The following GRIN2D variants were observed in gnomAD, a reference collection of about 807,000 sequenced individuals.
GRIN2D encodes glutamate receptor ionotropic, NMDA 2D.
In GRIN2D, 37 loss-of-function variants were observed where a neutral mutation model predicts 103.2. That is an observed-to-expected ratio of 0.36 (90% CI 0.28 to 0.47). GRIN2D has a LOEUF of 0.47. GRIN2D is among the 20% of genes least tolerant of loss of function. GRIN2D has a pLI of 1.00. For synonymous variants in GRIN2D, 845 were observed against 885.6 expected (o/e 0.95, Z 0.81); for missense variants, 1,557 against 1,910.6 (o/e 0.81, Z 3.45).
Position 48,414,681 on chromosome 19 carries a change from GA to G in GRIN2D, c.1412+98del, listed in dbSNP as rs1970919829. 1.5e-6 allele frequency: 2 copies of G among 1,291,116 alleles called. No individual in the cohort carries two copies. The highest frequency in any genetic ancestry group is 2.2e-6 in the Non-Finnish European group (2 of 928,700). 80.0% of individuals were successfully genotyped at this position (1,291,116 alleles called of 1,614,324 possible). A position where few individuals can be genotyped will look rare whatever the true frequency, so the allele number is the denominator to read the frequency against. ...AGCCCCCTCCTCCCTTGGGACCCAG[GA>G]CCCACAAAGCCCTCCAGCTTGGTGA... On this transcript the variant is annotated intron_variant, in intron 6 of 13. Coordinates refer to ENST00000263269, the MANE Select transcript of GRIN2D (RefSeq NM_000836.4). This position sits in a 1 kb window ranked among gnomAD's most constrained non-coding sequence, Gnocchi z 4.6.
chr19:48,411,131 T>C (rs1600975880), intron 4 of GRIN2D, among the ~76,000 whole-genome samples: 1 of 151,814 alleles, frequency 6.6e-6, no homozygotes, highest in Non-Finnish European at 1.5e-5. Context: ...TCATCTGAGC[T>C]TGGGACATGG....
At chr19:48,418,492 G>C (rs1444006025) in intron 8 of GRIN2D, among the ~76,000 whole-genome samples, 1 of 152,118 alleles carries the variant, frequency 6.6e-6, no homozygotes, top group African/African-American at 2.4e-5. Flanking sequence ...TGTGCTGTGT[G>C]GGGGATAGGC....
chr19:48,435,490 A>G (rs1170257676), intron 11 of GRIN2D, among the ~76,000 whole-genome samples: 2 of 151,942 alleles, frequency 1.3e-5, no homozygotes, highest in African/African-American at 4.8e-5. Flanking sequence ...GGGTTTCGCC[A>G]TGTTGGCCAG....
In GRIN2D at chr19:48,398,869, C is replaced by CGGGGCGGGGCGGGGCCACAGGA; in HGVS notation, c.465+22_465+43dup. The CGGGGCGGGGCGGGGCCACAGGA allele has an allele frequency of 1.0e-6, 1 of 989,314 alleles. No homozygotes were observed. Among genetic ancestry groups the CGGGGCGGGGCGGGGCCACAGGA allele is most frequent in the East Asian group, 1.2e-4 (1 of 8,436 alleles). The allele number at this position is 989,314 out of a possible 1,614,324, so 61.3% of individuals were successfully genotyped here. A position where few individuals can be genotyped will look rare whatever the true frequency, so the allele number is the denominator to read the frequency against. On this transcript the variant is annotated intron_variant, in intron 3 of 13. Coordinates refer to ENST00000263269, the MANE Select transcript of GRIN2D (RefSeq NM_000836.4). ...TGCTCACGCCCAAGGTGCGCGCGACCGGGGCGGGGCGGGGCCACAGGAGGG... is the reference window on the plus strand; with the variant it reads ...TGCTCACGCCCAAGGTGCGCGCGACCGGGGCGGGGCGGGGCCACAGGAGGGGCGGGGCGGGGCCACAGGAGGG...
At position 48,394,576 on chromosome 19, in the gene GRIN2D, G is replaced by A. The variant is rs1007788691; in HGVS notation, c.-305-82G>A. On this transcript the variant is annotated intron_variant, in intron 1 of 13. Transcript: ENST00000263269. This position sits in a 1 kb window ranked among gnomAD's most constrained non-coding sequence, Gnocchi z 5.1. The stretch of plus-strand genomic sequence containing the variant: ...GCGGCAGAGGGGGGCACCCCGGGTG[G>A]GCGGAGGGGGGATCCCCACGGGGTC... Among the ~76,000 whole-genome samples the A allele has an allele frequency of 2.0e-5, 3 of 151,372 alleles. No individual in the cohort carries two copies. Among genetic ancestry groups the A allele is most frequent in the African/African-American group, 7.3e-5 (3 of 41,194 alleles).
At position 48,412,425 on chromosome 19, in the gene GRIN2D, G is replaced by GAA. The variant is rs1002224728; in HGVS notation, c.1086-1564_1086-1563dup. ...AAGAAAGAAAGAAAGAGAAAGAAAA[G>GAA]AAAGAAAGAAAGAAAGAAAGAAAGA... is the stretch of plus-strand genomic sequence containing the variant. On this transcript the variant is annotated intron_variant, in intron 4 of 13. Coordinates refer to ENST00000263269, the MANE Select transcript of GRIN2D (RefSeq NM_000836.4). Among the ~76,000 whole-genome samples the GAA allele has an allele frequency of 4.2e-3, 200 of 48,162 alleles. 3 individuals carry two copies. The highest frequency in any genetic ancestry group is 1.6e-3 in the African/African-American group (15 of 9,258). The allele number at this position is 48,162 out of a possible 152,430, so 31.6% of individuals were successfully genotyped here.
chr19:48,433,140 G>A (rs551374945), intron 11 of GRIN2D, among the ~76,000 whole-genome samples: 7 of 148,728 alleles, frequency 4.7e-5, no homozygotes, highest in Admixed American at 2.7e-4. Flanking sequence ...GGACGAGAAG[G>A]GCGGATTGCC....
rs1158572397 is a variant in GRIN2D at position 48,442,913 on chromosome 19, C to A, written c.2987C>A (p.Ala996Asp). 2.6e-5 allele frequency: 29 copies of A among 1,108,546 alleles called. No individual in the cohort carries two copies. The highest frequency in any genetic ancestry group is 3.0e-5 in the Non-Finnish European group (27 of 909,290). The allele number at this position is 1,108,546 out of a possible 1,614,324, so 68.7% of individuals were successfully genotyped here. A position where few individuals can be genotyped will look rare whatever the true frequency, so the allele number is the denominator to read the frequency against. ...GCCGGGCGCCCGCTGTCCCCGCCGG[C>A]CGCTCAGCCCCCGCAGAAGCCGCCG... ...GAAGRPLSPPAAQPPQKPPPS... is the reference protein window; with the variant it reads ...GAAGRPLSPPDAQPPQKPPPS... Residue 996 changes from alanine (A) to aspartate (D), a missense_variant, in exon 14 of 14, where the codon GCC (alanine) becomes GAC (aspartate). By Grantham distance (126) the Ala-to-Asp change is moderately radical (BLOSUM62 -2). Transcript: ENST00000263269. The surrounding 1 kb of genome is among the most constrained non-coding windows in gnomAD (Gnocchi z 7.2).
chr19:48,409,562 C>A (rs1390010646), intron 4 of GRIN2D, among the ~76,000 whole-genome samples: 1 of 152,010 alleles, frequency 6.6e-6, no homozygotes, highest in Admixed American at 6.6e-5. Flanking sequence ...CGGGCGTGAG[C>A]CACTGCACCT....
intron 8 of GRIN2D, 127 bp from the exon 9 acceptor site, chr19:48,419,107 G>A: frequency 2.9e-6 from 2 of 689,714 alleles, no homozygotes; most frequent in Non-Finnish European, 4.6e-6. Context: ...TTGAACTCCA[G>A]GCGTCAAGTG....
At chr19:48,397,730 C>T (rs776201888) in intron 2 of GRIN2D, among the ~76,000 whole-genome samples, 2 of 151,516 alleles carry the variant, frequency 1.3e-5, no homozygotes, top group Non-Finnish European at 2.9e-5. Flanking sequence ...CTGCTGCTTC[C>T]GTCTCTCTCC....
In GRIN2D at chr19:48,443,868, A is replaced by G; in HGVS notation, c.3942A>G (p.Arg1314=). The G allele has an allele frequency of 1.4e-6, 2 of 1,480,694 alleles. No homozygotes were observed. Among genetic ancestry groups the G allele is most frequent in the Non-Finnish European group, 1.8e-6 (2 of 1,123,314 alleles). 91.7% of individuals were successfully genotyped at this position (1,480,694 alleles called of 1,614,324 possible). The change falls in exon 14 of 14, where the codon AGA becomes AGG. Residue 1314 remains arginine, a synonymous_variant. Coordinates refer to ENST00000263269, the MANE Select transcript of GRIN2D (RefSeq NM_000836.4). This position sits in a 1 kb window ranked among gnomAD's most constrained non-coding sequence, Gnocchi z 8.9. ...GPPLPTASHR[R]HRGGDLGTRR... ...CGCTGCCCACAGCTTCCCACCGGAG[A>G]CACCGGGGCGGGGACCTGGGCACCC...
Position 48,443,959 on chromosome 19 carries a change from G to A in GRIN2D, c.*22G>A, listed in dbSNP as rs748363854. The A allele has an allele frequency of 2.7e-5, 37 of 1,367,522 alleles. 1 individual carries two copies. The South Asian group carries it at 4.7e-4, about 17-fold the overall frequency. The allele number at this position is 1,367,522 out of a possible 1,614,324, so 84.7% of individuals were successfully genotyped here. ...ATGACGCGGCCCCGGGGGCCCCACCGCCCCCTTGGTCAGCGCAGGCCACGG... is the reference window on the plus strand; with the variant it reads ...ATGACGCGGCCCCGGGGGCCCCACCACCCCCTTGGTCAGCGCAGGCCACGG... On this transcript the variant is annotated 3_prime_UTR_variant, in exon 14 of 14. Transcript: ENST00000263269. This position sits in a 1 kb window ranked among gnomAD's most constrained non-coding sequence, Gnocchi z 8.9.
chr19:48,413,299 G>A (rs113397258), intron 4 of GRIN2D, among the ~76,000 whole-genome samples: 6,676 of 142,998 alleles, frequency 0.047, 280 homozygotes, highest in African/African-American at 0.12. Flanking sequence ...GGCCAACATG[G>A]TGAAACCCCA....
chr19:48,443,036 C>A lies in GRIN2D; in HGVS notation c.3110C>A (p.Ala1037Glu). 9.5e-7 allele frequency: 1 copy of A among 1,047,908 alleles called. No individual in the cohort carries two copies. Among genetic ancestry groups the A allele is most frequent in the South Asian group, 4.2e-5 (1 of 23,802 alleles). The allele number at this position is 1,047,908 out of a possible 1,614,324, so 64.9% of individuals were successfully genotyped here. ...FPSPPAPPAA[A>E]ATAVGPPLCR... ...TCGCCGCCCGCGCCCCCCGCCGCCGCGGCCACCGCCGTCGGGCCGCCACTC... is the reference window on the plus strand; with the variant it reads ...TCGCCGCCCGCGCCCCCCGCCGCCGAGGCCACCGCCGTCGGGCCGCCACTC... Residue 1037 changes from alanine (A) to glutamate (E), a missense_variant, in exon 14 of 14, where the codon GCG (alanine) becomes GAG (glutamate). Physicochemically the swap from Ala to Glu is moderately radical, Grantham distance 107. Transcript: ENST00000263269. The surrounding 1 kb of genome is among the most constrained non-coding windows in gnomAD (Gnocchi z 8.9).
chr19:48,399,878 TG>T (rs1424737501), intron 3 of GRIN2D, among the ~76,000 whole-genome samples: 6 of 4,962 alleles, frequency 1.2e-3, no homozygotes, highest in African/African-American at 4.8e-3. Context: ...GCTAGCCAGT[TG>T]GGGGCGGGGC....
chr19:48,423,421 C>T (rs1054811636), intron 11 of GRIN2D, among the ~76,000 whole-genome samples: 2 of 152,006 alleles, frequency 1.3e-5, no homozygotes, highest in Non-Finnish European at 2.9e-5. Context: ...AACATGCAAA[C>T]AGAAAAATCA....
intron 2 of GRIN2D, 64 bp from the exon 3 acceptor site, chr19:48,398,303 C>G (rs1378065984): frequency 1.2e-5 from 7 of 604,358 alleles, no homozygotes; most frequent in Non-Finnish European, 1.5e-5. Context: ...TCTCGTCTCC[C>G]TGTCCCTGCG....
Position 48,415,082 on chromosome 19 carries a change from C to A in GRIN2D, c.1581+50C>A, listed in dbSNP as rs367683444. 159 of 1,475,664 alleles carry A rather than the reference C, an allele frequency of 1.1e-4. 1 individual carries two copies. Among genetic ancestry groups the A allele is most frequent in the Non-Finnish European group, 1.4e-4 (148 of 1,089,714 alleles). 91.4% of individuals were successfully genotyped at this position (1,475,664 alleles called of 1,614,324 possible). ...GAATCTTCGGGGCGGAGTCGAGAGG[C>A]GGGCACAGCCGGGCGTGGTGGCTCA... is the stretch of plus-strand genomic sequence containing the variant. On this transcript the variant is annotated intron_variant, in intron 7 of 13. Coordinates refer to ENST00000263269, the MANE Select transcript of GRIN2D (RefSeq NM_000836.4).
Sources: gnomAD v4.1 joint callset for allele counts (sites outside exome capture counted in the v4.1 genomes callset) on GRCh38, gnomAD v4.1.1 for gene constraint, Gnocchi (gnomAD v3.1) non-coding constraint, MANE v1.5 for transcripts, NCBI Gene and HGNC (gene_info 2026-07-23, HGNC 2026-07-21) for gene names.